The following ARMC9 variants were observed in gnomAD, a reference collection of about 807,000 sequenced individuals.
ARMC9 encodes the protein lisH domain-containing protein ARMC9.
A neutral mutation model predicts 107.0 loss-of-function variants in ARMC9; 94 were observed. The ratio of observed to expected loss-of-function variants is 0.88; its 90% CI spans 0.74 to 1.04. The LOEUF (loss-of-function observed/expected upper bound fraction) is 1.04. ARMC9 is among the 50% of genes least tolerant of loss of function. The pLI, the probability that ARMC9 is intolerant of heterozygous loss-of-function variation, is 0.00. For missense variants in ARMC9, 942 were observed against 1,030.1 expected (o/e 0.91, Z 1.17); for synonymous variants, 380 against 396.9 (o/e 0.96, Z 0.51).
intron 7 of ARMC9, among the ~76,000 whole-genome samples, chr2:231,230,878 G>C (rs1171133707): frequency 6.6e-6 from 1 of 152,184 alleles, no homozygotes; most frequent in Non-Finnish European, 1.5e-5. Flanking sequence ...TTTTCAACCT[G>C]AGGTGGTTGA....
chr2:231,276,917 A>G (rs1559391695), intron 15 of ARMC9, 142 bp downstream of exon 15: 1 of 1,242,958 alleles, frequency 8.0e-7, no homozygotes. Context: ...AGCATTTCCA[A>G]CTAGGTATCA....
At chr2:231,333,454 TA>T (rs2043875901) in intron 20 of ARMC9, among the ~76,000 whole-genome samples, 1 of 152,126 alleles carries the variant, frequency 6.6e-6, no homozygotes, top group African/African-American at 2.4e-5. Context: ...TGCCATTCCT[TA>T]GAACATCTCA....
In ARMC9 at chr2:231,222,729, A is replaced by T; in HGVS notation, c.506A>T (p.Asp169Val). 6.6e-7 allele frequency: 1 copy of T among 1,509,364 alleles called. No homozygotes were observed. The highest frequency in any genetic ancestry group is 1.8e-5 in the Admixed American group (1 of 55,390). The allele number at this position is 1,509,364 out of a possible 1,614,324, so 93.5% of individuals were successfully genotyped here. Residue 169 changes from aspartate to valine, a missense_variant and splice_region_variant, in exon 6 of 25, where the codon GAT (aspartate) becomes GTT (valine). Asp to Val is a radical substitution (Grantham distance 152). Transcript: ENST00000611582. Reference protein sequence around the residue: ...VHPSFKELFQDSWTPELKLKL... With the variant: ...VHPSFKELFQVSWTPELKLKL... Reference sequence around the variant, plus strand: ...ATTTTTGTTCCCTTTTTTCTTTAGGATTCCTGGACTCCAGAGTTAAAGTTG... The same window carrying T: ...ATTTTTGTTCCCTTTTTTCTTTAGGTTTCCTGGACTCCAGAGTTAAAGTTG...
intron 10 of ARMC9, among the ~76,000 whole-genome samples, chr2:231,257,231 A>G (rs1284000280): frequency 6.6e-6 from 1 of 152,246 alleles, no homozygotes; most frequent in Admixed American, 6.5e-5. Flanking sequence ...AGTGCAATCC[A>G]CAGAGTGTTG....
chr2:231,290,192 A>T (rs993474541), intron 17 of ARMC9, among the ~76,000 whole-genome samples: 1 of 152,210 alleles, frequency 6.6e-6, no homozygotes, highest in Admixed American at 6.5e-5. Flanking sequence ...AGGCTAGATG[A>T]AGTTGAGTGA....
At position 231,339,189 on chromosome 2, in the gene ARMC9, G is replaced by A. The variant is rs186805570; in HGVS notation, c.1879-5786G>A. Among the ~76,000 whole-genome samples, 333 of 151,172 alleles carry A rather than the reference G, an allele frequency of 2.2e-3. 1 individual carries two copies. The highest frequency in any genetic ancestry group is 7.5e-3 in the African/African-American group (311 of 41,500). Reference sequence around the variant, plus strand: ...CTAAAAATACAAAAATTAGCCAGGCGTGGTGGTGTGCATCTGTAATCCCAG... The same window carrying A: ...CTAAAAATACAAAAATTAGCCAGGCATGGTGGTGTGCATCTGTAATCCCAG... On this transcript the variant is annotated intron_variant, in intron 20 of 24. Coordinates refer to ENST00000611582, the MANE Select transcript of ARMC9 (RefSeq NM_001352754.2).
chr2:231,236,116 A>G (rs1328536219), intron 8 of ARMC9, among the ~76,000 whole-genome samples: 1 of 152,110 alleles, frequency 6.6e-6, no homozygotes, highest in African/African-American at 2.4e-5. Flanking sequence ...GCAAAGGATA[A>G]ATTGTCTGGC....
At chr2:231,368,019 T>A (rs192055178) in intron 23 of ARMC9, among the ~76,000 whole-genome samples, 6 of 151,706 alleles carry the variant, frequency 4.0e-5, no homozygotes, top group African/African-American at 1.5e-4. Flanking sequence ...TTAACTATTA[T>A]AATAATGACA....
intron 11 of ARMC9, 113 bp from the exon 12 acceptor site, chr2:231,262,193 T>C: frequency 1.0e-6 from 1 of 975,574 alleles, no homozygotes; most frequent in South Asian, 1.4e-5. Context: ...TTACTTATTT[T>C]GTTTGGTTAA....
chr2:231,355,720 T>C, intron 21 of ARMC9, 78 bp from the exon 22 acceptor site: 1 of 1,434,544 alleles, frequency 7.0e-7, no homozygotes, highest in Non-Finnish European at 9.3e-7. Context: ...CCTGTATTTG[T>C]GATGCTGCAG....
At chr2:231,359,726 C>G (rs1223417206) in intron 22 of ARMC9, among the ~76,000 whole-genome samples, 3 of 152,234 alleles carry the variant, frequency 2.0e-5, no homozygotes, top group Non-Finnish European at 2.9e-5. Context: ...TCTAAGCACA[C>G]TGAGCATGTG....
At chr2:231,320,418 G>T (rs1041238932) in intron 19 of ARMC9, among the ~76,000 whole-genome samples, 1 of 152,036 alleles carries the variant, frequency 6.6e-6, no homozygotes, top group Non-Finnish European at 1.5e-5. Flanking sequence ...AGTTGCTAAC[G>T]GTAGTATTCA....
chr2:231,284,726 T>A (rs1340192623), intron 17 of ARMC9, among the ~76,000 whole-genome samples: 1 of 152,078 alleles, frequency 6.6e-6, no homozygotes, highest in Non-Finnish European at 1.5e-5. Flanking sequence ...TGGTACAGTG[T>A]GGAGGGGATG....
At chr2:231,222,203 G>A (rs1267858159) in intron 5 of ARMC9, among the ~76,000 whole-genome samples, 3 of 152,130 alleles carry the variant, frequency 2.0e-5, no homozygotes, top group Admixed American at 6.6e-5. Context: ...TAAATAATTT[G>A]TTTTTAAAGG....
At chr2:231,240,879 A>G (rs2036232070) in intron 9 of ARMC9, among the ~76,000 whole-genome samples, 1 of 152,124 alleles carries the variant, frequency 6.6e-6, no homozygotes. Flanking sequence ...ATGTTAGAAG[A>G]ATATAATTTT....
chr2:231,347,818 A>G (rs2044875767), intron 21 of ARMC9, among the ~76,000 whole-genome samples: 1 of 152,212 alleles, frequency 6.6e-6, no homozygotes, highest in Non-Finnish European at 1.5e-5. Context: ...TATTGCATAG[A>G]AAAATCCTCT....
At chr2:231,316,963 A>G (rs937951501) in intron 19 of ARMC9, among the ~76,000 whole-genome samples, 1 of 152,108 alleles carries the variant, frequency 6.6e-6, no homozygotes, top group African/African-American at 2.4e-5. Context: ...GGGTTTCACC[A>G]TGTTGGCCAG....
chr2:231,214,326 G>A lies in ARMC9; in HGVS notation c.178-505G>A, dbSNP rs545210392. Among the ~76,000 whole-genome samples, 9 of 152,324 alleles carry A rather than the reference G, an allele frequency of 5.9e-5. No individual in the cohort carries two copies. The South Asian group carries it at 1.9e-3, about 32-fold the overall frequency. ...GTGTGCTTCTAGCAATGGGGCAAGT[G>A]GCAGCTCTATCTCCTAGGCCCAGGA... On this transcript the variant is annotated intron_variant, in intron 3 of 24. Transcript: ENST00000611582.
intron 19 of ARMC9, among the ~76,000 whole-genome samples, chr2:231,322,778 G>A (rs1332663263): frequency 6.6e-6 from 1 of 152,172 alleles, no homozygotes; most frequent in African/African-American, 2.4e-5. Context: ...GATGCATTCT[G>A]CTCTGGTACA....
Sources: allele counts gnomAD v4.1 joint callset (sites outside exome capture counted in the v4.1 genomes callset), GRCh38; gene constraint gnomAD v4.1.1; transcripts MANE v1.5; gene names NCBI Gene and HGNC (gene_info 2026-07-23, HGNC 2026-07-21).